RGCC: variants seen among roughly 807,000 people sequenced by gnomAD.
The protein encoded by RGCC is regulator of cell cycle.
RGCC carries 15 observed loss-of-function variants against 15.4 expected under a neutral mutation model. The ratio of observed to expected loss-of-function variants is 0.97; its 90% CI spans 0.65 to 1.50. The LOEUF (loss-of-function observed/expected upper bound fraction) is 1.50, where lower values mean the gene tolerates loss of function less well. Among genes scored for constraint, RGCC ranks in the 40% most tolerant of loss-of-function variants. The pLI is 0.00. For synonymous variants in RGCC, 81 were observed against 78.0 expected, an observed-to-expected ratio of 1.04 and a Z score of -0.20; for missense variants, 176 against 189.7, an observed-to-expected ratio of 0.93 and a Z score of 0.42.
At chr13:41,464,943 C>A (rs1332241643) in intron 2 of RGCC, among the ~76,000 whole-genome samples, 1 of 151,946 alleles carries the variant, frequency 6.6e-6, no homozygotes, top group African/African-American at 2.4e-5. Context: ...GGCAGGTGGG[C>A]CCCTGGGCAG....
chr13:41,465,081 G>T (rs1026608152), intron 2 of RGCC, among the ~76,000 whole-genome samples: 1 of 152,072 alleles, frequency 6.6e-6, no homozygotes, highest in African/African-American at 2.4e-5. Context: ...TTTTGTACTG[G>T]GCCTATCTCT....
chr13:41,469,286 T>TAAGAAGAAG (rs1195617232), intron 4 of RGCC, among the ~76,000 whole-genome samples: 20 of 113,988 alleles, frequency 1.8e-4, no homozygotes, highest in African/African-American at 5.1e-4. Flanking sequence ...ATAATAATAA[T>TAAGAAGAAG]AATAATAATA....
Position 41,457,576 on chromosome 13 carries a change from C to T in RGCC, c.-132C>T, listed in dbSNP as rs369838136. The T allele has an allele frequency of 1.4e-6, 2 of 1,384,720 alleles. No individual in the cohort carries two copies. Among genetic ancestry groups the T allele is most frequent in the South Asian group, 1.5e-5 (1 of 64,778 alleles). The allele number at this position is 1,384,720 out of a possible 1,614,324, so 85.8% of individuals were successfully genotyped here. ...GGGCGGGCGCGGACCGTGCTGGGAG[C>T]GGCGCGGCTGGAGCGCAGCGCCGAA... On this transcript the variant is annotated 5_prime_UTR_variant, in exon 1 of 5. Coordinates refer to ENST00000379359, the MANE Select transcript of RGCC (RefSeq NM_014059.3). The surrounding 1 kb of genome is among the most constrained non-coding windows in gnomAD (Gnocchi z 4.9).
intron 2 of RGCC, among the ~76,000 whole-genome samples, chr13:41,461,229 T>C (rs533776312): frequency 4.3e-4 from 65 of 152,238 alleles, no homozygotes; most frequent in South Asian, 2.3e-3. Context: ...CGTTTAGACT[T>C]GATTCCAACA....
intron 3 of RGCC, 22 bp downstream of exon 3, chr13:41,466,952 T>G: frequency 6.4e-7 from 1 of 1,554,762 alleles, no homozygotes. Flanking sequence ...AGTTGGAATT[T>G]GAGTTTTTTG....
intron 2 of RGCC, among the ~76,000 whole-genome samples, chr13:41,465,204 C>G (rs917309064): frequency 1.3e-5 from 2 of 152,142 alleles, no homozygotes; most frequent in African/African-American, 4.8e-5. Context: ...GAGGCGGGGA[C>G]CTGGTAAGGC....
chr13:41,460,866 T>C, intron 2 of RGCC, among the ~76,000 whole-genome samples: 1 of 152,236 alleles, frequency 6.6e-6, no homozygotes, highest in East Asian at 1.9e-4. Flanking sequence ...AATGTTACCT[T>C]TGTTTTTTGC....
chr13:41,458,426 G>GCAGCGC lies in RGCC; in HGVS notation c.195_200dup (p.Ala66_Ser67dup), dbSNP rs2139571934. On this transcript the variant is annotated inframe_insertion, in exon 2 of 5. Transcript: ENST00000379359. The surrounding 1 kb of genome is among the most constrained non-coding windows in gnomAD (Gnocchi z 4.4). ...CACCTGGAGCGCATGAAGCGGCGCA[G>GCAGCGC]CAGCGCCAGTGTCAGCGACAGCAGC... 1.2e-6 allele frequency: 2 copies of GCAGCGC among 1,601,858 alleles called. No homozygotes were observed. The highest frequency in any genetic ancestry group is 4.5e-5 in the East Asian group (2 of 44,706).
chr13:41,463,737 T>C (rs989775803), intron 2 of RGCC, among the ~76,000 whole-genome samples: 1 of 152,138 alleles, frequency 6.6e-6, no homozygotes, highest in Non-Finnish European at 1.5e-5. Context: ...GTCCTGGCAA[T>C]ATTCTGGATC....
Position 41,458,450 on chromosome 13 carries a change from G to A in RGCC, c.215G>A (p.Ser72Asn). 1 of 1,598,634 alleles carries A rather than the reference G, an allele frequency of 6.3e-7. No homozygotes were observed. Among genetic ancestry groups the A allele is most frequent in the Admixed American group, 1.7e-5 (1 of 59,526 alleles). ...RRSSASVSDS[S>N]GFSDSESADS... Reference sequence around the variant, plus strand: ...AGCAGCGCCAGTGTCAGCGACAGCAGCGGCTTCAGCGACTCGGAGAGTAAG... The same window carrying A: ...AGCAGCGCCAGTGTCAGCGACAGCAACGGCTTCAGCGACTCGGAGAGTAAG... Residue 72 changes from serine to asparagine, a missense_variant, in exon 2 of 5, where the codon AGC becomes AAC. Transcript: ENST00000379359. This position sits in a 1 kb window ranked among gnomAD's most constrained non-coding sequence, Gnocchi z 4.4.
At position 41,457,628 on chromosome 13, in the gene RGCC, G is replaced by C. The variant is rs1488252825; in HGVS notation, c.-80G>C. 2.7e-6 allele frequency: 4 copies of C among 1,495,228 alleles called. No homozygotes were observed. The highest frequency in any genetic ancestry group is 3.6e-6 in the Non-Finnish European group (4 of 1,124,726). 92.6% of individuals were successfully genotyped at this position (1,495,228 alleles called of 1,614,324 possible). On this transcript the variant is annotated 5_prime_UTR_variant, in exon 1 of 5. Coordinates refer to ENST00000379359, the MANE Select transcript of RGCC (RefSeq NM_014059.3). The surrounding 1 kb of genome is among the most constrained non-coding windows in gnomAD (Gnocchi z 4.9). The stretch of plus-strand genomic sequence containing the variant: ...GGACTGGCAGGGCTGAAGTGTGCGG[G>C]ACAGCAAGCCCCCGAATAGCCCCGG...
chr13:41,469,289 TAATAATAAGAAGAAGAAGAAG>T (rs1186743749), intron 4 of RGCC, among the ~76,000 whole-genome samples: 117 of 101,124 alleles, frequency 1.2e-3, no homozygotes, highest in East Asian at 3.7e-3. Flanking sequence ...ATAATAATAA[TAATAATAAGAAGAAGAAGAAG>T]AAGAAGAAGA....
At chr13:41,464,414 G>T (rs1414354125) in intron 2 of RGCC, among the ~76,000 whole-genome samples, 1 of 152,178 alleles carries the variant, frequency 6.6e-6, no homozygotes, top group Admixed American at 6.5e-5. Context: ...AGCTTCCTGT[G>T]TGTAGGGGAA....
Position 41,457,816 on chromosome 13 carries a change from G to T in RGCC, c.49+60G>T. ...GGCTCTGCAGATGGCGGGTGAGAAA[G>T]GAGGGGCCCCGTGTCGTCCCTTCAC... On this transcript the variant is annotated intron_variant, in intron 1 of 4. Transcript: ENST00000379359. This position sits in a 1 kb window ranked among gnomAD's most constrained non-coding sequence, Gnocchi z 4.9. 7.4e-7 allele frequency: 1 copy of T among 1,354,970 alleles called. No homozygotes were observed. Among genetic ancestry groups the T allele is most frequent in the Non-Finnish European group, 9.5e-7 (1 of 1,054,038 alleles). The allele number at this position is 1,354,970 out of a possible 1,614,324, so 83.9% of individuals were successfully genotyped here. A position where few individuals can be genotyped will look rare whatever the true frequency, so the allele number is the denominator to read the frequency against.
At chr13:41,469,095 A>G (rs2043861934) in intron 4 of RGCC, among the ~76,000 whole-genome samples, 1 of 152,002 alleles carries the variant, frequency 6.6e-6, no homozygotes, top group South Asian at 2.1e-4. Flanking sequence ...CCCAATCTCT[A>G]CTAAAAAATA....
At chr13:41,467,529 A>G (rs956658350) in intron 3 of RGCC, among the ~76,000 whole-genome samples, 2 of 152,222 alleles carry the variant, frequency 1.3e-5, no homozygotes, top group South Asian at 2.1e-4. Flanking sequence ...TAGAGAGTTG[A>G]ATGTTCTGTT....
chr13:41,457,859 C>T lies in RGCC; in HGVS notation c.49+103C>T. ...CCCTTCACACCCCCCACCCTTCCAT[C>T]CTCCCCGGCGGGAACCTGTCCCCGG... On this transcript the variant is annotated intron_variant, in intron 1 of 4. Transcript: ENST00000379359. The surrounding 1 kb of genome is among the most constrained non-coding windows in gnomAD (Gnocchi z 4.9). The T allele has an allele frequency of 7.5e-7, 1 of 1,332,046 alleles. No homozygotes were observed. The allele number at this position is 1,332,046 out of a possible 1,614,324, so 82.5% of individuals were successfully genotyped here.
rs17062214 is a variant in RGCC, at chr13:41,458,765, T to C, written c.235+295T>C. 3.2e-4 allele frequency among the ~76,000 whole-genome samples: 49 copies of C among 152,186 alleles called. No homozygotes were observed. The highest frequency in any genetic ancestry group is 1.1e-3 in the African/African-American group (46 of 41,490). On this transcript the variant is annotated intron_variant, in intron 2 of 4. Coordinates refer to ENST00000379359, the MANE Select transcript of RGCC (RefSeq NM_014059.3). This position sits in a 1 kb window ranked among gnomAD's most constrained non-coding sequence, Gnocchi z 4.4. ...ACCTGCACCAGGCCTTTCCGCAGTT[T>C]CCCTCCTCTTCTCCTTTCCGTGCCT...
At chr13:41,460,312 C>T (rs1035670457) in intron 2 of RGCC, among the ~76,000 whole-genome samples, 3 of 152,186 alleles carry the variant, frequency 2.0e-5, no homozygotes, top group Non-Finnish European at 4.4e-5. Flanking sequence ...ATCTTAATTG[C>T]TGCCAAGAAT....
Sources: allele counts gnomAD v4.1 joint callset (sites outside exome capture counted in the v4.1 genomes callset), GRCh38; gene constraint gnomAD v4.1.1; non-coding constraint Gnocchi (gnomAD v3.1); transcripts MANE v1.5; gene names NCBI Gene and HGNC (gene_info 2026-07-23, HGNC 2026-07-21).